Variants in KLF8 observed in about 807,000 individuals in gnomAD.
KLF8 encodes Krueppel-like factor 8.
A neutral mutation model predicts 18.2 loss-of-function variants in KLF8; 10 were observed. That is an observed-to-expected ratio of 0.55 (90% CI 0.34 to 0.93). KLF8 has a LOEUF of 0.93. KLF8 is among the 40% of genes least tolerant of loss of function. The pLI, the probability that KLF8 is intolerant of heterozygous loss-of-function variation, is 0.02. For synonymous variants in KLF8, 109 were observed against 97.3 expected, an observed-to-expected ratio of 1.12 and a Z score of -0.71; for missense variants, 264 against 277.9, an observed-to-expected ratio of 0.95 and a Z score of 0.36.
chrX:55,946,698 C>T, the KLF8 span, among the ~76,000 whole-genome samples: 1 of 111,220 alleles, frequency 9.0e-6, no homozygotes, highest in East Asian at 2.8e-4. Flanking sequence ...AGTGAACAGG[C>T]AACCTACAAA....
Position 56,248,565 on chromosome X carries a change from A to G in KLF8, c.8-1666A>G, listed in dbSNP as rs937977700. Among the ~76,000 whole-genome samples, 3 of 111,645 alleles carry G rather than the reference A, an allele frequency of 2.7e-5. No homozygotes were observed. In the Admixed American group the frequency reaches 2.9e-4, roughly 11 times the overall value. On this transcript the variant is annotated intron_variant, in intron 1 of 5. Coordinates refer to ENST00000468660, the MANE Select transcript of KLF8 (RefSeq NM_007250.5). ...ATTGGAGTTGGCTGTCTTAAGTTGTACTTGCTAGAAATAATGAAGCCTGTT... is the reference window on the plus strand; with the variant it reads ...ATTGGAGTTGGCTGTCTTAAGTTGTGCTTGCTAGAAATAATGAAGCCTGTT...
the KLF8 span, among the ~76,000 whole-genome samples, chrX:56,206,274 T>C: frequency 1.8e-5 from 2 of 110,899 alleles, no homozygotes; most frequent in African/African-American, 6.6e-5. Flanking sequence ...AAATCAGTCA[T>C]GCCTTCACAA....
chrX:56,181,969 G>A, the KLF8 span, among the ~76,000 whole-genome samples: 2 of 110,914 alleles, frequency 1.8e-5, no homozygotes, highest in African/African-American at 3.3e-5. Context: ...GAGTATCTTC[G>A]TGGTGCTCTC....
chrX:56,181,582 G>A, the KLF8 span, among the ~76,000 whole-genome samples: 130 of 111,646 alleles, frequency 1.2e-3, no homozygotes, highest in African/African-American at 4.2e-3. Context: ...AGTTTGGCAT[G>A]TTTTTCAGTA....
At chrX:55,925,661 T>G in the KLF8 span, among the ~76,000 whole-genome samples, 1 of 111,357 alleles carries the variant, frequency 9.0e-6, no homozygotes, top group Non-Finnish European at 1.9e-5. Flanking sequence ...GAATCCAGAT[T>G]TAAAACCAAT....
the KLF8 span, among the ~76,000 whole-genome samples, chrX:55,983,525 C>T: frequency 9.5e-3 from 1,063 of 111,948 alleles, 11 homozygotes; most frequent in African/African-American, 0.033. Flanking sequence ...TGCAAACATA[C>T]TGCTCTACTC....
At chrX:56,052,906 A>G in the KLF8 span, among the ~76,000 whole-genome samples, 3 of 111,195 alleles carry the variant, frequency 2.7e-5, no homozygotes, top group Non-Finnish European at 5.7e-5. Context: ...CTGCTGTGCT[A>G]GCAATCTGCG....
chrX:56,034,226 G>A, the KLF8 span, among the ~76,000 whole-genome samples: 4 of 111,512 alleles, frequency 3.6e-5, no homozygotes, highest in Non-Finnish European at 7.5e-5. Flanking sequence ...TTCATTCTTC[G>A]GCATATGGAT....
At chrX:55,970,851 AC>A in the KLF8 span, among the ~76,000 whole-genome samples, 1,003 of 111,495 alleles carry the variant, frequency 9.0e-3, 15 homozygotes, top group African/African-American at 0.031. Context: ...AATTAATCCA[AC>A]CAAAGAAATG....
chrX:55,942,551 A>G, the KLF8 span, among the ~76,000 whole-genome samples: 1 of 111,765 alleles, frequency 8.9e-6, no homozygotes, highest in Non-Finnish European at 1.9e-5. Flanking sequence ...GAATCTAGTC[A>G]ACAAATGCAT....
chrX:55,927,901 C>T, the KLF8 span, among the ~76,000 whole-genome samples: 53 of 112,018 alleles, frequency 4.7e-4, no homozygotes, highest in African/African-American at 1.7e-3. Context: ...ATATATCTTT[C>T]ACCCAGTTTT....
the KLF8 span, among the ~76,000 whole-genome samples, chrX:56,024,012 G>A: frequency 5.4e-5 from 6 of 111,176 alleles, no homozygotes; most frequent in Non-Finnish European, 9.4e-5. Context: ...TTAGATCAGA[G>A]GATATATACA....
At chrX:55,915,314 G>A in the KLF8 span, among the ~76,000 whole-genome samples, 5 of 111,528 alleles carry the variant, frequency 4.5e-5, no homozygotes, top group South Asian at 3.8e-4. Context: ...GAATTTGAAC[G>A]CAGATAGTTT....
At chrX:55,957,327 G>A in the KLF8 span, among the ~76,000 whole-genome samples, 25 of 112,187 alleles carry the variant, frequency 2.2e-4, no homozygotes, top group South Asian at 3.7e-4. Context: ...GAACTGTGAA[G>A]CTTCCAAATT....
chrX:56,263,155 C>G (rs2066909398), intron 2 of KLF8, among the ~76,000 whole-genome samples: 1 of 111,519 alleles, frequency 9.0e-6, no homozygotes, highest in South Asian at 3.8e-4. Context: ...TTATGTTCAG[C>G]AGAGCCAATC....
At chrX:56,077,365 G>A in the KLF8 span, among the ~76,000 whole-genome samples, 7 of 112,070 alleles carry the variant, frequency 6.2e-5, no homozygotes, top group Admixed American at 5.7e-4. Flanking sequence ...CATATGGCTA[G>A]CCGGTTTTCC....
the KLF8 span, among the ~76,000 whole-genome samples, chrX:55,945,321 G>T: frequency 1.8e-5 from 2 of 111,068 alleles, no homozygotes; most frequent in Admixed American, 1.9e-4. Flanking sequence ...ATTTGGGGTG[G>T]AGAGTTCTGT....
chrX:56,180,231 T>G, the KLF8 span, among the ~76,000 whole-genome samples: 1 of 111,931 alleles, frequency 8.9e-6, no homozygotes, highest in Non-Finnish European at 1.9e-5. Flanking sequence ...CAGGAATTTA[T>G]CCATTTCTTT....
At chrX:56,080,079 T>G in the KLF8 span, among the ~76,000 whole-genome samples, 1 of 111,525 alleles carries the variant, frequency 9.0e-6, no homozygotes, top group East Asian at 2.8e-4. Flanking sequence ...TACAGCACCC[T>G]GATGGGTCTT....
Sources: gnomAD v4.1 joint callset for allele counts (sites outside exome capture counted in the v4.1 genomes callset) on GRCh38, gnomAD v4.1.1 for gene constraint, MANE v1.5 for transcripts, NCBI Gene and HGNC (gene_info 2026-07-23, HGNC 2026-07-21) for gene names.